MAK: variants seen among roughly 807,000 people sequenced by gnomAD.
MAK encodes male germ cell associated kinase.
Under a neutral mutation model 82.6 loss-of-function variants are expected in MAK, and 65 were observed. That is an observed-to-expected ratio of 0.79 (90% CI 0.64 to 0.97). MAK has a LOEUF of 0.97. Among genes scored for constraint, MAK ranks in the 50% least tolerant of loss-of-function variants. The probability of loss-of-function intolerance (pLI) is 0.00; values close to 1 mark genes in which losing one functional copy is unlikely to be tolerated. For synonymous variants in MAK, 250 were observed against 274.2 expected (o/e 0.91, Z 0.87); for missense variants, 703 against 780.2 (o/e 0.90, Z 1.18).
In MAK at chr6:10,821,963, G is replaced by C. The variant is rs760920312; in HGVS notation, c.102-3023C>G. Among the ~76,000 whole-genome samples, 85 of 151,086 alleles carry C rather than the reference G, an allele frequency of 5.6e-4. 1 individual carries two copies. Among genetic ancestry groups the C allele is most frequent in the African/African-American group, 1.6e-3 (65 of 41,172 alleles). On this transcript the variant is annotated intron_variant, in intron 2 of 14. Coordinates refer to ENST00000354489, the MANE Select transcript of MAK (RefSeq NM_001242957.3). Reference sequence around the variant, plus strand: ...GAGATGGAGACCCTCCTGGGTAACAGGGTGAAACCCCATCTCTACTGAAAA... The same window carrying C: ...GAGATGGAGACCCTCCTGGGTAACACGGTGAAACCCCATCTCTACTGAAAA...
intron 13 of MAK, among the ~76,000 whole-genome samples, chr6:10,771,261 C>T (rs571388740): frequency 6.6e-6 from 1 of 151,940 alleles, no homozygotes; most frequent in East Asian, 1.9e-4. Context: ...AAAAGGACCT[C>T]ATGGAGGAAG....
intron 11 of MAK, among the ~76,000 whole-genome samples, chr6:10,780,684 A>G (rs60531441): frequency 0.037 from 5,551 of 151,790 alleles, 327 homozygotes; most frequent in African/African-American, 0.13. Context: ...CAATCTCTTG[A>G]TCTCGTGATC....
intron 2 of MAK, among the ~76,000 whole-genome samples, chr6:10,821,864 G>C (rs1344514567): frequency 1.3e-5 from 2 of 149,264 alleles, no homozygotes; most frequent in Non-Finnish European, 3.0e-5. Context: ...AAAAAAATCT[G>C]AGGCCGGGCA....
In MAK at chr6:10,802,399, G is replaced by T; in HGVS notation, c.664-340C>A. On this transcript the variant is annotated intron_variant, in intron 7 of 14. Transcript: ENST00000354489. Reference sequence around the variant, plus strand: ...TGGCTCACTACAGCCTCACCCTCCCGGGCTCAAAAGATCCTCCTACCTCAG... The same window carrying T: ...TGGCTCACTACAGCCTCACCCTCCCTGGCTCAAAAGATCCTCCTACCTCAG... The T allele has an allele frequency of 1.3e-5, 3 of 230,282 alleles. No individual in the cohort carries two copies. In the South Asian group the frequency reaches 1.7e-4, roughly 13 times the overall value. The allele number at this position is 230,282 out of a possible 1,614,324, so 14.3% of individuals were successfully genotyped here.
At position 10,789,540 on chromosome 6, in the gene MAK, T is replaced by C. The variant is rs118052166; in HGVS notation, c.1316+2135A>G. 2.4e-3 allele frequency among the ~76,000 whole-genome samples: 370 copies of C among 152,286 alleles called. 5 individuals are homozygous for C. Among genetic ancestry groups the C allele is most frequent in the East Asian group, 0.015 (77 of 5,184 alleles). Reference sequence around the variant, plus strand: ...TCCTATATGTATGTGCATAGATACCTATGAGGAAGTTTAATTTATAAGTTG... The same window carrying C: ...TCCTATATGTATGTGCATAGATACCCATGAGGAAGTTTAATTTATAAGTTG... On this transcript the variant is annotated intron_variant, in intron 10 of 14. Transcript: ENST00000354489.
rs1168222423 is a variant in MAK at position 10,763,264 on chromosome 6, C to G, written c.*1188G>C. On this transcript the variant is annotated 3_prime_UTR_variant, in exon 15 of 15. Transcript: ENST00000354489. ...GCAGCATGAGCTGGCTTGGGGGAAC[C>G]AGCTGGCACACTTCATCTTTGTGTC... 1 of 152,472 alleles carries G rather than the reference C, an allele frequency of 6.6e-6. No individual in the cohort carries two copies. Among genetic ancestry groups the G allele is most frequent in the African/African-American group, 2.4e-5 (1 of 41,456 alleles). 9.4% of individuals were successfully genotyped at this position (152,472 alleles called of 1,614,324 possible).
Position 10,764,368 on chromosome 6 carries a change from T to C in MAK, c.*84A>G. The C allele has an allele frequency of 4.2e-5, 60 of 1,428,080 alleles. No homozygotes were observed. The highest frequency in any genetic ancestry group is 5.8e-5 in the Non-Finnish European group (60 of 1,028,166). The allele number at this position is 1,428,080 out of a possible 1,614,324, so 88.5% of individuals were successfully genotyped here. On this transcript the variant is annotated 3_prime_UTR_variant, in exon 15 of 15. Coordinates refer to ENST00000354489, the MANE Select transcript of MAK (RefSeq NM_001242957.3). The stretch of plus-strand genomic sequence containing the variant: ...TATTTCTTCCAGAACTCAGTAGAAA[T>C]AGACATTTGTAGACATTTCCCAGGG...
chr6:10,809,012 A>G, intron 5 of MAK, 70 bp from the exon 6 acceptor site: 1 of 1,350,208 alleles, frequency 7.4e-7, no homozygotes, highest in East Asian at 2.3e-5. Flanking sequence ...TTTGATTTAT[A>G]AACAAAATAT....
chr6:10,807,316 C>CTG (rs1434777931), intron 6 of MAK, among the ~76,000 whole-genome samples: 1 of 146,000 alleles, frequency 6.8e-6, no homozygotes, highest in African/African-American at 2.5e-5. Context: ...AATGTATCAA[C>CTG]ATCTGATACA....
intron 4 of MAK, among the ~76,000 whole-genome samples, chr6:10,817,425 A>G (rs1192567527): frequency 6.6e-6 from 1 of 152,122 alleles, no homozygotes; most frequent in Non-Finnish European, 1.5e-5. Flanking sequence ...TGTGCATTCT[A>G]ATGACTGAGC....
chr6:10,811,592 A>G (rs1776936419), intron 5 of MAK, among the ~76,000 whole-genome samples: 1 of 152,264 alleles, frequency 6.6e-6, no homozygotes, highest in Non-Finnish European at 1.5e-5. Context: ...AGTTTAAAAC[A>G]ATTAAAAATC....
chr6:10,784,918 C>T (rs1286552625), intron 10 of MAK: 1 of 485,716 alleles, frequency 2.1e-6, no homozygotes. Context: ...CCATCTTCAC[C>T]TGTTGACTAA....
Position 10,796,185 on chromosome 6 carries a change from A to T in MAK, c.956T>A (p.Val319Glu). ...PLESKPSLVE[V>E]EPKPLPDIID... Reference sequence around the variant, plus strand: ...TATATCCGGCAGAGGCTTAGGCTCTACCTCAACTAAAGATGGCTTTGATTC... The same window carrying T: ...TATATCCGGCAGAGGCTTAGGCTCTTCCTCAACTAAAGATGGCTTTGATTC... The change falls in exon 9 of 15, where the codon GTA becomes GAA. Residue 319 changes from valine (V) to glutamate (E), a missense_variant. By Grantham distance (121) the Val-to-Glu change is moderately radical. Transcript: ENST00000354489. 1 of 1,614,164 alleles carries T rather than the reference A, an allele frequency of 6.2e-7. No homozygotes were observed. Among genetic ancestry groups the T allele is most frequent in the Non-Finnish European group, 8.5e-7 (1 of 1,180,022 alleles).
At chr6:10,836,969 G>C (rs1779185332) in intron 1 of MAK, among the ~76,000 whole-genome samples, 1 of 152,144 alleles carries the variant, frequency 6.6e-6, no homozygotes. Context: ...GTTTCTCTAA[G>C]TGCACAATTG....
intron 1 of MAK, among the ~76,000 whole-genome samples, chr6:10,834,842 G>A (rs1036135232): frequency 3.9e-5 from 6 of 152,038 alleles, no homozygotes; most frequent in South Asian, 2.1e-4. Flanking sequence ...GGTCCGACCC[G>A]CAGACCCTGG....
Position 10,793,620 on chromosome 6 carries a change from GTTAACACAGTAC to G in MAK, c.1144-1785_1144-1774del, listed in dbSNP as rs1775266015. 6.6e-6 allele frequency among the ~76,000 whole-genome samples: 1 copy of G among 152,150 alleles called. No individual in the cohort carries two copies. The highest frequency in any genetic ancestry group is 1.5e-5 in the Non-Finnish European group (1 of 68,034). The stretch of plus-strand genomic sequence containing the variant: ...AAAACAGGTATACTTAGAAATTTTA[GTTAACACAGTAC>G]TTAATCCCAGCTCTGGAACTCACCT... On this transcript the variant is annotated intron_variant, in intron 9 of 14. Coordinates refer to ENST00000354489, the MANE Select transcript of MAK (RefSeq NM_001242957.3). This position sits in a 1 kb window ranked among gnomAD's most constrained non-coding sequence, Gnocchi z 4.6.
chr6:10,813,871 A>G, intron 4 of MAK, 148 bp from the exon 5 acceptor site: 1 of 679,250 alleles, frequency 1.5e-6, no homozygotes. Context: ...CTTAAAGCTC[A>G]CACATTTAAA....
intron 8 of MAK, chr6:10,797,707 C>T: frequency 3.6e-6 from 4 of 1,122,258 alleles, no homozygotes; most frequent in Non-Finnish European, 4.4e-6. Context: ...AGCCAGTCCC[C>T]ACATAGGTGG....
rs555513668 is a variant in MAK, at chr6:10,818,139, G to A, written c.157-168C>T. Among the ~76,000 whole-genome samples, 288 of 152,214 alleles carry A rather than the reference G, an allele frequency of 1.9e-3. 1 individual carries two copies. The highest frequency in any genetic ancestry group is 3.0e-3 in the Non-Finnish European group (206 of 68,010). On this transcript the variant is annotated intron_variant, in intron 3 of 14. Coordinates refer to ENST00000354489, the MANE Select transcript of MAK (RefSeq NM_001242957.3). ...TACATAATTGCTTTAAGTAATGAAC[G>A]TTAAGTGCAAACAATAAATCAAGCC... is the stretch of plus-strand genomic sequence containing the variant.
Sources: gnomAD v4.1 joint callset for allele counts (sites outside exome capture counted in the v4.1 genomes callset) on GRCh38, gnomAD v4.1.1 for gene constraint, Gnocchi (gnomAD v3.1) non-coding constraint, MANE v1.5 for transcripts, NCBI Gene and HGNC (gene_info 2026-07-23, HGNC 2026-07-21) for gene names.